The following RNF220 variants were observed in gnomAD, a reference collection of about 807,000 sequenced individuals.
RNF220 encodes the protein E3 ubiquitin-protein ligase RNF220.
In RNF220, 7 loss-of-function variants were observed where a neutral mutation model predicts 67.1. That is an observed-to-expected ratio of 0.10 (90% CI 0.06 to 0.20). RNF220 has a LOEUF of 0.20. Ranked by LOEUF, RNF220 falls within the 10% of genes least tolerant of loss-of-function variation. The probability of loss-of-function intolerance (pLI) is 1.00; values close to 1 mark genes in which losing one functional copy is unlikely to be tolerated. For synonymous variants in RNF220, 270 were observed against 283.2 expected (o/e 0.95, Z 0.47); for missense variants, 565 against 740.3 (o/e 0.76, Z 2.75).
intron 2 of RNF220, among the ~76,000 whole-genome samples, chr1:44,529,880 A>G (rs1182630315): frequency 6.7e-6 from 1 of 149,422 alleles, no homozygotes; most frequent in Non-Finnish European, 1.5e-5. Context: ...GCAAAACCCC[A>G]TCTCTACTAA....
At chr1:44,553,039 CCTT>C (rs1362298830) in intron 2 of RNF220, among the ~76,000 whole-genome samples, 1 of 152,156 alleles carries the variant, frequency 6.6e-6, no homozygotes. Context: ...CATACTGTTC[CCTT>C]CTTCTTCTCC....
Position 44,621,354 on chromosome 1 carries a change from T to C in RNF220, c.759-1388T>C, listed in dbSNP as rs1297258976. ...ATTATAGAAAGTCTATGGGTATATA[T>C]GTGTGCGCCTTTATACCAGGGTTTC... On this transcript the variant is annotated intron_variant, in intron 3 of 14. Transcript: ENST00000361799. The surrounding 1 kb of genome is among the most constrained non-coding windows in gnomAD (Gnocchi z 4.8). 6.6e-6 allele frequency among the ~76,000 whole-genome samples: 1 copy of C among 152,206 alleles called. No individual in the cohort carries two copies.
At chr1:44,644,569 AC>A (rs1644581232) in intron 8 of RNF220, 128 bp from the exon 9 acceptor site, 1 of 660,566 alleles carries the variant, frequency 1.5e-6, no homozygotes, top group South Asian at 1.8e-5. Context: ...CTGGCTCTAT[AC>A]ATCCCAGGCC....
intron 2 of RNF220, among the ~76,000 whole-genome samples, chr1:44,503,894 G>C (rs1293181558): frequency 6.6e-6 from 1 of 152,078 alleles, no homozygotes; most frequent in South Asian, 2.1e-4. Context: ...CTGTTGGCCA[G>C]GCTGGGGTGC....
rs573897587 is a variant in RNF220 at position 44,479,317 on chromosome 1, C to T, written c.625+66595C>T. Among the ~76,000 whole-genome samples the T allele has an allele frequency of 6.6e-5, 10 of 152,130 alleles. No individual in the cohort carries two copies. In the South Asian group the frequency reaches 1.0e-3, roughly 16 times the overall value. ...ATTTTTAGTAGAGACAGGGTTTCAC[C>T]GTGCTAGCCAGGATGGTCTCGATCT... On this transcript the variant is annotated intron_variant, in intron 2 of 14. Transcript: ENST00000361799.
chr1:44,461,772 A>G (rs1463832164), intron 2 of RNF220, among the ~76,000 whole-genome samples: 1 of 152,198 alleles, frequency 6.6e-6, no homozygotes, highest in Non-Finnish European at 1.5e-5. Flanking sequence ...ATGGATCCAG[A>G]AACTAGTCCT....
intron 2 of RNF220, among the ~76,000 whole-genome samples, chr1:44,603,016 A>G (rs1029319618): frequency 3.3e-5 from 5 of 152,056 alleles, no homozygotes; most frequent in Admixed American, 2.0e-4. Flanking sequence ...CTGCGCCCAT[A>G]GAGGCAGCAC....
At chr1:44,541,662 C>T (rs753735733) in intron 2 of RNF220, among the ~76,000 whole-genome samples, 2 of 152,160 alleles carry the variant, frequency 1.3e-5, no homozygotes, top group Admixed American at 6.5e-5. Flanking sequence ...TTTTCTGTTC[C>T]GGACGGTCAT....
At chr1:44,615,761 A>G (rs1643519952) in intron 3 of RNF220, among the ~76,000 whole-genome samples, 1 of 152,186 alleles carries the variant, frequency 6.6e-6, no homozygotes, top group Non-Finnish European at 1.5e-5. Context: ...GCCTGAGCTG[A>G]ATTTTGAAGG....
Position 44,651,334 on chromosome 1 carries a change from G to A in RNF220, c.*559G>A, listed in dbSNP as rs1029126810. ...GGTACCTGCCTCTCTCTCTCCTGTGGTGTCCCTTCCCTCTCCCATGTGCTC... is the reference window on the plus strand; with the variant it reads ...GGTACCTGCCTCTCTCTCTCCTGTGATGTCCCTTCCCTCTCCCATGTGCTC... On this transcript the variant is annotated 3_prime_UTR_variant, in exon 15 of 15. Transcript: ENST00000361799. The A allele has an allele frequency of 1.7e-5, 3 of 172,222 alleles. No homozygotes were observed. Among genetic ancestry groups the A allele is most frequent in the African/African-American group, 7.1e-5 (3 of 42,334 alleles). 10.7% of individuals were successfully genotyped at this position (172,222 alleles called of 1,614,324 possible).
intron 1 of RNF220, 131 bp from the exon 2 acceptor site, chr1:44,411,850 A>G (rs866360883): frequency 4.3e-5 from 20 of 469,018 alleles, no homozygotes; most frequent in Middle Eastern, 1.1e-3. Flanking sequence ...ACTGGCTCCT[A>G]AAGCCTGTGG....
chr1:44,560,761 C>G (rs1663507854), intron 2 of RNF220, among the ~76,000 whole-genome samples: 1 of 152,054 alleles, frequency 6.6e-6, no homozygotes. Context: ...GGGGTTTCAC[C>G]ATGTTGGCCA....
At chr1:44,434,241 G>C (rs1311709736) in intron 2 of RNF220, among the ~76,000 whole-genome samples, 1 of 152,098 alleles carries the variant, frequency 6.6e-6, no homozygotes, top group African/African-American at 2.4e-5. Flanking sequence ...GAGAGAGAAG[G>C]CCTGAGGGCT....
chr1:44,510,226 G>A (rs1372602813), intron 2 of RNF220, among the ~76,000 whole-genome samples: 4 of 145,106 alleles, frequency 2.8e-5, no homozygotes, highest in Non-Finnish European at 4.5e-5. Context: ...GTGACAGAGT[G>A]AGACCCTGAA....
At chr1:44,413,013 C>T (rs10890299) in intron 2 of RNF220, among the ~76,000 whole-genome samples, 60,284 of 152,046 alleles carry the variant, frequency 0.4, 12,763 homozygotes, top group Non-Finnish European at 0.48. Flanking sequence ...GTGCCACCGA[C>T]GTACTGAAGT....
intron 2 of RNF220, among the ~76,000 whole-genome samples, chr1:44,576,765 T>C (rs533318182): frequency 1.4e-4 from 21 of 152,328 alleles, no homozygotes; most frequent in African/African-American, 4.3e-4. Flanking sequence ...GGCCAGTTTT[T>C]TCGTCTCTGA....
At chr1:44,503,500 C>T (rs776684669) in intron 2 of RNF220, among the ~76,000 whole-genome samples, 4 of 152,118 alleles carry the variant, frequency 2.6e-5, no homozygotes, top group Non-Finnish European at 5.9e-5. Context: ...GACCTCCATG[C>T]CCACACTGCC....
Position 44,622,657 on chromosome 1 carries a change from G to A in RNF220, c.759-85G>A. The stretch of plus-strand genomic sequence containing the variant: ...GGGCTAGGCGGTCTATGCCTTCTCT[G>A]TCTTTGGGGTCTTCTTGCTACTCTA... On this transcript the variant is annotated intron_variant, in intron 3 of 14. Transcript: ENST00000361799. The surrounding 1 kb of genome is among the most constrained non-coding windows in gnomAD (Gnocchi z 4.3). 7.9e-7 allele frequency: 1 copy of A among 1,264,888 alleles called. No individual in the cohort carries two copies. The highest frequency in any genetic ancestry group is 1.2e-6 in the Non-Finnish European group (1 of 864,618). 78.4% of individuals were successfully genotyped at this position (1,264,888 alleles called of 1,614,324 possible).
At chr1:44,571,580 G>A (rs1414026153) in intron 2 of RNF220, among the ~76,000 whole-genome samples, 1 of 152,160 alleles carries the variant, frequency 6.6e-6, no homozygotes, top group Admixed American at 6.5e-5. Context: ...TAAATTTCTT[G>A]AATAAATGAA....
Sources: allele counts gnomAD v4.1 joint callset (sites outside exome capture counted in the v4.1 genomes callset), GRCh38; gene constraint gnomAD v4.1.1; non-coding constraint Gnocchi (gnomAD v3.1); transcripts MANE v1.5; gene names NCBI Gene and HGNC (gene_info 2026-07-23, HGNC 2026-07-21).